The following DKK2 variants were observed in gnomAD, a reference collection of about 807,000 sequenced individuals.
DKK2 encodes the protein dickkopf Wnt signaling pathway inhibitor 2.
A neutral mutation model predicts 28.1 loss-of-function variants in DKK2; 11 were observed. That is an observed-to-expected ratio of 0.39 (90% CI 0.25 to 0.65). The LOEUF is 0.65. DKK2 is among the 30% of genes least tolerant of loss of function. The pLI is 0.47. For missense variants in DKK2, 326 were observed against 335.5 expected (o/e 0.97, Z 0.22); for synonymous variants, 135 against 126.5 (o/e 1.07, Z -0.45).
At chr4:106,934,424 C>T (rs1724548571) in intron 1 of DKK2, among the ~76,000 whole-genome samples, 1 of 152,184 alleles carries the variant, frequency 6.6e-6, no homozygotes, top group African/African-American at 2.4e-5. Context: ...AGCACCTCGA[C>T]TGAAGTTTCT....
At chr4:107,028,728 C>T (rs1263984307) in intron 1 of DKK2, among the ~76,000 whole-genome samples, 1 of 152,076 alleles carries the variant, frequency 6.6e-6, no homozygotes, top group East Asian at 1.9e-4. Flanking sequence ...AAGGAAAAAG[C>T]AAAAGCAATA....
chr4:107,003,706 G>A (rs923602595), intron 1 of DKK2, among the ~76,000 whole-genome samples: 1 of 152,136 alleles, frequency 6.6e-6, no homozygotes, highest in African/African-American at 2.4e-5. Context: ...AGATTACCAC[G>A]GCAGCAACAT....
rs150828476 is a variant in DKK2 at position 107,009,861 on chromosome 4, T to G, written c.222+25509A>C. Among the ~76,000 whole-genome samples, 173 of 152,004 alleles carry G rather than the reference T, an allele frequency of 1.1e-3. 4 individuals carry two copies. The East Asian group carries it at 0.026, about 23-fold the overall frequency. On this transcript the variant is annotated intron_variant, in intron 1 of 3. Transcript: ENST00000285311. ...TGGCTAACAGAGACTTTTCTTTAAA[T>G]GAGTACTTGCTAACCAGTTTCTAAG... is the stretch of plus-strand genomic sequence containing the variant.
intron 1 of DKK2, among the ~76,000 whole-genome samples, chr4:106,959,982 A>T (rs1722661418): frequency 6.6e-6 from 1 of 151,968 alleles, no homozygotes. Context: ...AAAAACTTTG[A>T]TGTTTAATAT....
chr4:106,981,457 T>C (rs539747109), intron 1 of DKK2, among the ~76,000 whole-genome samples: 1 of 152,292 alleles, frequency 6.6e-6, no homozygotes, highest in East Asian at 1.9e-4. Context: ...GAGTATAGCA[T>C]CTAAGTACAA....
chr4:106,991,264 C>CA (rs1463875119), intron 1 of DKK2, among the ~76,000 whole-genome samples: 1 of 152,142 alleles, frequency 6.6e-6, no homozygotes, highest in Non-Finnish European at 1.5e-5. Flanking sequence ...TGTACACCTA[C>CA]AATCTACTAC....
At chr4:107,018,354 C>A (rs1723642436) in intron 1 of DKK2, among the ~76,000 whole-genome samples, 1 of 152,114 alleles carries the variant, frequency 6.6e-6, no homozygotes, top group South Asian at 2.1e-4. Context: ...ACATGAAATG[C>A]CAGTTTCTTT....
At chr4:107,007,701 C>T (rs1241056800) in intron 1 of DKK2, among the ~76,000 whole-genome samples, 17 of 152,084 alleles carry the variant, frequency 1.1e-4, no homozygotes, top group Admixed American at 4.6e-4. Flanking sequence ...CTGAAATCAT[C>T]TGAAGACCTT....
At chr4:106,939,447 G>T (rs552205681) in intron 1 of DKK2, among the ~76,000 whole-genome samples, 149 of 152,192 alleles carry the variant, frequency 9.8e-4, no homozygotes, top group Admixed American at 1.2e-3. Flanking sequence ...CACTGCTCAA[G>T]GAAATAAAAG....
intron 1 of DKK2, among the ~76,000 whole-genome samples, chr4:106,978,625 C>T (rs114843992): frequency 0.019 from 2,911 of 152,206 alleles, 40 homozygotes; most frequent in Middle Eastern, 0.037. Flanking sequence ...CGACTTCAGA[C>T]TTCTGTCCTG....
intron 1 of DKK2, among the ~76,000 whole-genome samples, chr4:106,927,246 T>C (rs1314790276): frequency 6.6e-6 from 1 of 152,130 alleles, no homozygotes; most frequent in Non-Finnish European, 1.5e-5. Flanking sequence ...TTTTTTTCCT[T>C]TTATTTCTTT....
chr4:107,027,782 C>T (rs903399951), intron 1 of DKK2, among the ~76,000 whole-genome samples: 5 of 110,294 alleles, frequency 4.5e-5, no homozygotes, highest in Admixed American at 2.2e-4. Flanking sequence ...GACAGAGTCT[C>T]GCTCTGTCGC....
intron 1 of DKK2, among the ~76,000 whole-genome samples, chr4:107,033,351 C>A (rs572822414): frequency 6.6e-6 from 1 of 152,008 alleles, no homozygotes; most frequent in Non-Finnish European, 1.5e-5. Flanking sequence ...CAATTTAAGG[C>A]GATGTAAGTA....
chr4:106,998,721 G>T (rs903141965), intron 1 of DKK2, among the ~76,000 whole-genome samples: 1 of 151,958 alleles, frequency 6.6e-6, no homozygotes, highest in Non-Finnish European at 1.5e-5. Context: ...AAAAATTGCC[G>T]TATGTTCTTT....
chr4:106,951,266 A>G (rs1338781663), intron 1 of DKK2, among the ~76,000 whole-genome samples: 1 of 152,102 alleles, frequency 6.6e-6, no homozygotes, highest in Non-Finnish European at 1.5e-5. Flanking sequence ...GGAAAATAGT[A>G]TGAAGATTTC....
At chr4:106,981,926 C>T (rs1560585381) in intron 1 of DKK2, among the ~76,000 whole-genome samples, 1 of 152,014 alleles carries the variant, frequency 6.6e-6, no homozygotes, top group Non-Finnish European at 1.5e-5. Context: ...AATATTTTTT[C>T]CTTGAGGTCA....
intron 1 of DKK2, among the ~76,000 whole-genome samples, chr4:107,003,667 G>C (rs1031347357): frequency 2.0e-5 from 3 of 152,194 alleles, no homozygotes; most frequent in African/African-American, 7.2e-5. Context: ...CCAGATGTCT[G>C]AACTTGCAGA....
chr4:106,995,241 T>C (rs1174273777), intron 1 of DKK2, among the ~76,000 whole-genome samples: 1 of 152,162 alleles, frequency 6.6e-6, no homozygotes, highest in Non-Finnish European at 1.5e-5. Context: ...TTTTATTTTA[T>C]TTCTTAGCTA....
At chr4:106,974,713 C>T (rs1722917021) in intron 1 of DKK2, among the ~76,000 whole-genome samples, 1 of 152,150 alleles carries the variant, frequency 6.6e-6, no homozygotes, top group Admixed American at 6.6e-5. Context: ...TTCCTCTCTT[C>T]CTATTTGAAT....
Sources: gnomAD v4.1 joint callset for allele counts (sites outside exome capture counted in the v4.1 genomes callset) on GRCh38, gnomAD v4.1.1 for gene constraint, MANE v1.5 for transcripts, NCBI Gene and HGNC (gene_info 2026-07-23, HGNC 2026-07-21) for gene names.